Variants in CNTNAP5 observed in about 807,000 individuals in gnomAD.
The protein encoded by CNTNAP5 is contactin associated protein family member 5, also known as contactin-associated protein-like 5.
A neutral mutation model predicts 150.2 loss-of-function variants in CNTNAP5; 72 were observed. The ratio of observed to expected loss-of-function variants is 0.48; its 90% CI spans 0.40 to 0.58. The LOEUF (loss-of-function observed/expected upper bound fraction) is 0.58. Among genes scored for constraint, CNTNAP5 ranks in the 20% least tolerant of loss-of-function variants. CNTNAP5 has a pLI of 0.00. For synonymous variants in CNTNAP5, 672 were observed against 619.8 expected, an observed-to-expected ratio of 1.08 and a Z score of -1.25; for missense variants, 1,636 against 1,626.2, an observed-to-expected ratio of 1.01 and a Z score of -0.10.
intron 1 of CNTNAP5, among the ~76,000 whole-genome samples, chr2:124,135,689 A>G (rs1004329305): frequency 1.3e-5 from 2 of 152,112 alleles, no homozygotes; most frequent in African/African-American, 4.8e-5. Flanking sequence ...GAAACTATAC[A>G]CCAGTGTCTA....
chr2:124,766,448 T>G (rs1184002953), intron 16 of CNTNAP5, among the ~76,000 whole-genome samples: 1 of 151,824 alleles, frequency 6.6e-6, no homozygotes, highest in Non-Finnish European at 1.5e-5. Flanking sequence ...GGTGTTTAAG[T>G]CTCCTGCAAA....
rs117602424 is a variant in CNTNAP5 at position 124,759,109 on chromosome 2, C to T, written c.2235-4563C>T. ...AAAGAGAATACAGAACATTTGGGAA[C>T]ATTTTTGAGAGGAAACTGGAGTTGA... is the stretch of plus-strand genomic sequence containing the variant. On this transcript the variant is annotated intron_variant, in intron 14 of 23. Transcript: ENST00000682447. 7.2e-5 allele frequency among the ~76,000 whole-genome samples: 11 copies of T among 151,774 alleles called. No individual in the cohort carries two copies. The East Asian group carries it at 2.1e-3, about 29-fold the overall frequency.
rs918524285 is a variant in CNTNAP5, at chr2:124,586,721, T to C, written c.1757-23080T>C. On this transcript the variant is annotated intron_variant, in intron 11 of 23. Coordinates refer to ENST00000682447, the MANE Select transcript of CNTNAP5 (RefSeq NM_001367498.1). ...AGCAATCTAAAGGCTTTCTTTGCTA[T>C]GCATCAAGCTAGAAAGTTGCAATTG... 3.9e-5 allele frequency among the ~76,000 whole-genome samples: 6 copies of C among 152,164 alleles called. 1 individual carries two copies. Among genetic ancestry groups the C allele is most frequent in the African/African-American group, 1.4e-4 (6 of 41,436 alleles).
chr2:124,044,889 A>AACACACAC (rs147761848), intron 1 of CNTNAP5, among the ~76,000 whole-genome samples: 1,659 of 144,040 alleles, frequency 0.012, 21 homozygotes, highest in East Asian at 0.029. Flanking sequence ...GTAGTGAGGA[A>AACACACAC]ACACACACAC....
chr2:124,417,617 A>G (rs766342995), intron 4 of CNTNAP5, 27 bp downstream of exon 4: 4 of 1,600,110 alleles, frequency 2.5e-6, no homozygotes, highest in Admixed American at 1.7e-5. Context: ...ACCCTTTACC[A>G]TTGCTGAGTG....
At chr2:124,420,264 C>T (rs1692068142) in intron 4 of CNTNAP5, among the ~76,000 whole-genome samples, 1 of 151,984 alleles carries the variant, frequency 6.6e-6, no homozygotes, top group Non-Finnish European at 1.5e-5. Context: ...GCTGGGATTA[C>T]AGGGGTGAGC....
At chr2:124,228,580 C>G (rs560554440) in intron 2 of CNTNAP5, among the ~76,000 whole-genome samples, 1 of 152,126 alleles carries the variant, frequency 6.6e-6, no homozygotes, top group South Asian at 2.1e-4. Flanking sequence ...ACTAGCCAAA[C>G]CAAATGACAT....
intron 1 of CNTNAP5, among the ~76,000 whole-genome samples, chr2:124,058,287 T>A (rs1681910851): frequency 6.6e-6 from 1 of 152,202 alleles, no homozygotes; most frequent in South Asian, 2.1e-4. Context: ...ATCCAGCTTT[T>A]GACTGTCTCT....
At chr2:124,735,769 T>C (rs1680369020) in intron 13 of CNTNAP5, among the ~76,000 whole-genome samples, 1 of 152,212 alleles carries the variant, frequency 6.6e-6, no homozygotes, top group Non-Finnish European at 1.5e-5. Flanking sequence ...TGCTAATCCA[T>C]TGTTAGCTAC....
At chr2:124,610,451 T>A (rs1020497640) in intron 12 of CNTNAP5, among the ~76,000 whole-genome samples, 4 of 152,290 alleles carry the variant, frequency 2.6e-5, no homozygotes, top group African/African-American at 9.6e-5. Flanking sequence ...GCCAGGCTGG[T>A]TGTTCTTAGA....
At chr2:124,206,854 A>C (rs1685877361) in intron 1 of CNTNAP5, among the ~76,000 whole-genome samples, 1 of 152,176 alleles carries the variant, frequency 6.6e-6, no homozygotes. Flanking sequence ...GGAGATGACC[A>C]AGGTAGGAAT....
intron 6 of CNTNAP5, among the ~76,000 whole-genome samples, chr2:124,459,594 A>T (rs143780640): frequency 1.3e-5 from 2 of 151,924 alleles, no homozygotes; most frequent in African/African-American, 4.8e-5. Flanking sequence ...TCTACTAAAA[A>T]CACAAAAATT....
intron 3 of CNTNAP5, among the ~76,000 whole-genome samples, chr2:124,308,458 ATT>A (rs1022655607): frequency 7.2e-5 from 11 of 152,322 alleles, no homozygotes; most frequent in African/African-American, 2.4e-4. Flanking sequence ...TGTGCTAAGA[ATT>A]TTATTGACTA....
chr2:124,419,960 T>TC (rs1558894078), intron 4 of CNTNAP5, among the ~76,000 whole-genome samples: 24 of 16,956 alleles, frequency 1.4e-3, no homozygotes, highest in South Asian at 3.7e-3. Flanking sequence ...TTCTTTCCTT[T>TC]TCTCTCTCTC....
intron 1 of CNTNAP5, among the ~76,000 whole-genome samples, chr2:124,092,235 A>G (rs2104687153): frequency 6.6e-6 from 1 of 152,334 alleles, no homozygotes; most frequent in South Asian, 2.1e-4. Context: ...ATTAGAGTAA[A>G]GCCAGAGTTA....
intron 4 of CNTNAP5, among the ~76,000 whole-genome samples, chr2:124,419,140 C>CAAAAAAAAA (rs778863758): frequency 9.7e-4 from 28 of 28,886 alleles, no homozygotes; most frequent in African/African-American, 1.7e-3. Context: ...GACTCCTTCT[C>CAAAAAAAAA]AAAAAAAAAA....
At chr2:124,577,121 CTTAG>C (rs368693968) in intron 11 of CNTNAP5, among the ~76,000 whole-genome samples, 5 of 152,106 alleles carry the variant, frequency 3.3e-5, no homozygotes, top group East Asian at 3.9e-4. Flanking sequence ...TCTAACTTTC[CTTAG>C]TTAGTTTTAT....
intron 13 of CNTNAP5, among the ~76,000 whole-genome samples, chr2:124,717,830 A>T (rs1170952542): frequency 6.6e-6 from 1 of 152,220 alleles, no homozygotes; most frequent in Non-Finnish European, 1.5e-5. Context: ...CATTAAATTC[A>T]TATTTGTTTA....
At chr2:124,273,148 A>T (rs772115612) in intron 3 of CNTNAP5, among the ~76,000 whole-genome samples, 1 of 152,214 alleles carries the variant, frequency 6.6e-6, no homozygotes. Flanking sequence ...TGCCTGTCAC[A>T]TATTAAATGC....
Sources: gnomAD v4.1 joint callset for allele counts (sites outside exome capture counted in the v4.1 genomes callset) on GRCh38, gnomAD v4.1.1 for gene constraint, MANE v1.5 for transcripts, NCBI Gene and HGNC (gene_info 2026-07-23, HGNC 2026-07-21) for gene names.